Variants in VPS13B observed in about 807,000 individuals in gnomAD.
VPS13B encodes the protein vacuolar protein sorting 13 homolog B.
Under a neutral mutation model 426.4 loss-of-function variants are expected in VPS13B, and 285 were observed. That is an observed-to-expected ratio of 0.67 (90% CI 0.61 to 0.74). The LOEUF is 0.74. Among genes scored for constraint, VPS13B ranks in the 30% least tolerant of loss-of-function variants. VPS13B has a pLI of 0.00. For synonymous variants in VPS13B, 1,676 were observed against 1,676.4 expected (o/e 1.00, Z 0.01); for missense variants, 4,537 against 4,782.6 (o/e 0.95, Z 1.51).
intron 19 of VPS13B, among the ~76,000 whole-genome samples, chr8:99,365,623 T>C (rs1393242879): frequency 1.3e-5 from 2 of 150,652 alleles, no homozygotes; most frequent in Non-Finnish European, 2.9e-5. Context: ...TTCAAGCGAT[T>C]CTTCTCCCTC....
chr8:99,171,214 A>G (rs1477739210), intron 16 of VPS13B, among the ~76,000 whole-genome samples: 2 of 151,818 alleles, frequency 1.3e-5, no homozygotes, highest in Admixed American at 6.6e-5. Flanking sequence ...TACCTCTCAC[A>G]TGTCATTTAT....
chr8:99,407,827 A>C (rs1054961880), intron 21 of VPS13B, among the ~76,000 whole-genome samples: 1 of 152,180 alleles, frequency 6.6e-6, no homozygotes, highest in Non-Finnish European at 1.5e-5. Flanking sequence ...TAAGAATGCA[A>C]TGTAATAAGA....
At chr8:99,538,683 A>G (rs1823391835) in intron 30 of VPS13B, among the ~76,000 whole-genome samples, 1 of 152,184 alleles carries the variant, frequency 6.6e-6, no homozygotes, top group African/African-American at 2.4e-5. Context: ...TAAATGCCTA[A>G]AAGGATCTTC....
At chr8:99,566,176 C>T (rs1825171412) in intron 31 of VPS13B, among the ~76,000 whole-genome samples, 1 of 151,972 alleles carries the variant, frequency 6.6e-6, no homozygotes, top group Admixed American at 6.6e-5. Flanking sequence ...TATAACAGGG[C>T]AGAGATCCTG....
intron 3 of VPS13B, among the ~76,000 whole-genome samples, chr8:99,081,883 C>T (rs1407547151): frequency 6.6e-6 from 1 of 151,946 alleles, no homozygotes; most frequent in Non-Finnish European, 1.5e-5. Flanking sequence ...TGGGTTGGTT[C>T]CAAGTCTTTG....
In VPS13B at chr8:99,270,936, A is replaced by C. The variant is rs143559502; in HGVS notation, c.2516-3262A>C. Among the ~76,000 whole-genome samples, 600 of 152,246 alleles carry C rather than the reference A, an allele frequency of 3.9e-3. 6 individuals are homozygous for C. The highest frequency in any genetic ancestry group is 0.014 in the African/African-American group (567 of 41,534). On this transcript the variant is annotated intron_variant, in intron 17 of 61. Transcript: ENST00000357162. Reference sequence around the variant, plus strand: ...GAGTAGCTCAGCATCCTTTGTTATAAAGAAAAATGAGATCCAGGCTTTGCC... The same window carrying C: ...GAGTAGCTCAGCATCCTTTGTTATACAGAAAAATGAGATCCAGGCTTTGCC...
intron 16 of VPS13B, among the ~76,000 whole-genome samples, chr8:99,185,533 A>G (rs565564521): frequency 1.2e-3 from 189 of 152,288 alleles, no homozygotes; most frequent in Non-Finnish European, 1.4e-3. Context: ...ACTGTACAGG[A>G]TATGAGTAAT....
At chr8:99,721,280 C>T (rs1833120199) in intron 39 of VPS13B, among the ~76,000 whole-genome samples, 1 of 152,110 alleles carries the variant, frequency 6.6e-6, no homozygotes, top group Non-Finnish European at 1.5e-5. Flanking sequence ...GTTCTCAATT[C>T]TACTCTCCAT....
chr8:99,567,497 A>T (rs1216035025), intron 31 of VPS13B, among the ~76,000 whole-genome samples: 5 of 150,624 alleles, frequency 3.3e-5, no homozygotes, highest in African/African-American at 1.2e-4. Context: ...TTTTTCAAGA[A>T]TGAGAATATT....
At chr8:99,812,755 G>A (rs893942845) in intron 44 of VPS13B, among the ~76,000 whole-genome samples, 48 of 152,238 alleles carry the variant, frequency 3.2e-4, no homozygotes, top group African/African-American at 1.1e-3. Context: ...GTATAATGGT[G>A]TCTTTATACA....
chr8:99,488,527 T>C (rs1048114573), intron 25 of VPS13B, among the ~76,000 whole-genome samples: 1 of 152,156 alleles, frequency 6.6e-6, no homozygotes, highest in Admixed American at 6.5e-5. Context: ...AATAGTTTTG[T>C]GGAACTTGAT....
At chr8:99,331,946 C>T (rs1356836478) in intron 19 of VPS13B, among the ~76,000 whole-genome samples, 2 of 151,708 alleles carry the variant, frequency 1.3e-5, no homozygotes, top group Non-Finnish European at 3.0e-5. Flanking sequence ...TAACACAGTA[C>T]AGCATAAATT....
Position 99,630,320 on chromosome 8 carries a change from T to G in VPS13B, c.5221-11491T>G, listed in dbSNP as rs1228134471. On this transcript the variant is annotated intron_variant, in intron 33 of 61. Coordinates refer to ENST00000357162, the MANE Select transcript of VPS13B (RefSeq NM_152564.5). ...TCTTTTCCATACACTTACTTTTTCC[T>G]TACAGTTATGCTCTTTTTTCATCTT... 2.6e-5 allele frequency among the ~76,000 whole-genome samples: 4 copies of G among 152,174 alleles called. No individual in the cohort carries two copies. The South Asian group carries it at 6.2e-4, about 24-fold the overall frequency.
chr8:99,519,479 G>A (rs544836473), intron 29 of VPS13B, among the ~76,000 whole-genome samples: 2 of 152,222 alleles, frequency 1.3e-5, no homozygotes, highest in South Asian at 4.1e-4. Context: ...TATAAATTAT[G>A]CTGCTATAAA....
intron 3 of VPS13B, among the ~76,000 whole-genome samples, chr8:99,054,586 A>G (rs944324418): frequency 2.0e-5 from 3 of 152,144 alleles, no homozygotes; most frequent in Non-Finnish European, 4.4e-5. Context: ...GCCTATTTTT[A>G]ACTTTTATTG....
intron 15 of VPS13B, among the ~76,000 whole-genome samples, chr8:99,163,418 G>A (rs1811790342): frequency 6.6e-6 from 1 of 152,224 alleles, no homozygotes; most frequent in Admixed American, 6.5e-5. Context: ...GCCCTTGGGT[G>A]GTCGATGGGA....
At position 99,442,459 on chromosome 8, in the gene VPS13B, C is replaced by A. The variant is rs1027118142; in HGVS notation, c.3269C>A (p.Thr1090Lys). The A allele has an allele frequency of 1.2e-6, 2 of 1,613,936 alleles. No individual in the cohort carries two copies. Residue 1090 changes from threonine (T) to lysine (K), a missense_variant, in exon 23 of 62, where the codon ACA (threonine) becomes AAA (lysine). By Grantham distance (78) the Thr-to-Lys change is moderately conservative (BLOSUM62 -1). Coordinates refer to ENST00000357162, the MANE Select transcript of VPS13B (RefSeq NM_152564.5). ...IPNDSLPSPS[T>K]IVSGDIPGTV... Reference sequence around the variant, plus strand: ...AATGATAGCCTGCCTTCCCCAAGTACAATTGTATCTGGTGACATTCCTGGA... The same window carrying A: ...AATGATAGCCTGCCTTCCCCAAGTAAAATTGTATCTGGTGACATTCCTGGA...
chr8:99,644,529 T>C (rs1829500845), intron 34 of VPS13B, among the ~76,000 whole-genome samples: 1 of 152,046 alleles, frequency 6.6e-6, no homozygotes, highest in East Asian at 1.9e-4. Context: ...TTTTGGTACA[T>C]GAAGCTAGAG....
chr8:99,065,464 G>C (rs4461878), intron 3 of VPS13B, among the ~76,000 whole-genome samples: 125,700 of 152,158 alleles, frequency 0.83, 52,433 homozygotes, highest in South Asian at 0.89. Flanking sequence ...ATTTAACAGC[G>C]CTTCATACTA....
Sources: allele counts gnomAD v4.1 joint callset (sites outside exome capture counted in the v4.1 genomes callset), GRCh38; gene constraint gnomAD v4.1.1; transcripts MANE v1.5; gene names NCBI Gene and HGNC (gene_info 2026-07-23, HGNC 2026-07-21).